The following DNAAF5 variants were observed in gnomAD, a reference collection of about 807,000 sequenced individuals.
DNAAF5 encodes HEAT repeat containing 2.
In DNAAF5, 64 loss-of-function variants were observed where a neutral mutation model predicts 75.8. That is an observed-to-expected ratio of 0.84 (90% CI 0.69 to 1.04). The LOEUF (loss-of-function observed/expected upper bound fraction) is 1.04. DNAAF5 is among the 50% of genes least tolerant of loss of function. The pLI, the probability that DNAAF5 is intolerant of heterozygous loss-of-function variation, is 0.00. For synonymous variants in DNAAF5, 657 were observed against 557.2 expected (o/e 1.18, Z -2.52); for missense variants, 1,269 against 1,178.5 (o/e 1.08, Z -1.12).
At chr7:731,088 C>T (rs192153074) in intron 2 of DNAAF5, among the ~76,000 whole-genome samples, 73 of 152,232 alleles carry the variant, frequency 4.8e-4, no homozygotes, top group Non-Finnish European at 2.5e-4. Flanking sequence ...TGCAGGCGGC[C>T]GGCTGGTTTT....
At position 754,465 on chromosome 7, in the gene DNAAF5, A is replaced by G. The variant is rs1365886557; in HGVS notation, c.1025-124A>G. ...CATTTGTCAGCTTTGCGTCCACCCC[A>G]AGACTTGTTTTGAAATGGTGAGGTT... On this transcript the variant is annotated intron_variant, in intron 4 of 12. Coordinates refer to ENST00000297440, the MANE Select transcript of DNAAF5 (RefSeq NM_017802.4). This position sits in a 1 kb window ranked among gnomAD's most constrained non-coding sequence, Gnocchi z 4.8. 3 of 833,650 alleles carry G rather than the reference A, an allele frequency of 3.6e-6. No individual in the cohort carries two copies. The highest frequency in any genetic ancestry group is 4.0e-5 in the Admixed American group (2 of 50,552). 51.6% of individuals were successfully genotyped at this position (833,650 alleles called of 1,614,324 possible). A position where few individuals can be genotyped will look rare whatever the true frequency, so the allele number is the denominator to read the frequency against.
intron 12 of DNAAF5, among the ~76,000 whole-genome samples, chr7:782,067 C>A (rs913257752): frequency 1.3e-5 from 2 of 152,194 alleles, no homozygotes; most frequent in Non-Finnish European, 2.9e-5. Context: ...CAGCTGCGTC[C>A]GGTTTCCCGG....
chr7:735,478 C>T (rs942685207), intron 2 of DNAAF5, among the ~76,000 whole-genome samples: 2 of 151,356 alleles, frequency 1.3e-5, no homozygotes, highest in Non-Finnish European at 2.9e-5. Flanking sequence ...GGTGTAGCTG[C>T]TCATGGTGTC....
At chr7:769,983 A>T (rs920610517) in intron 8 of DNAAF5, among the ~76,000 whole-genome samples, 2 of 151,502 alleles carry the variant, frequency 1.3e-5, no homozygotes, top group African/African-American at 4.9e-5. Context: ...ACATAGTCTC[A>T]CTTTGTCACC....
intron 5 of DNAAF5, among the ~76,000 whole-genome samples, chr7:755,551 G>C (rs576160306): frequency 6.6e-6 from 1 of 152,184 alleles, no homozygotes; most frequent in African/African-American, 2.4e-5. Flanking sequence ...CTGGCCAGCA[G>C]CTTTTACTTC....
rs1238172639 is a variant in DNAAF5, at chr7:739,105, CATCACT to C, written c.781-1713_781-1708del. ...CTTGTCTCAGCCACGCCCTCTGCCC[CATCACT>C]GTATACCTGTTTGGGCTGGGGGCTG... On this transcript the variant is annotated intron_variant, in intron 2 of 12. Coordinates refer to ENST00000297440, the MANE Select transcript of DNAAF5 (RefSeq NM_017802.4). 7.4e-5 allele frequency among the ~76,000 whole-genome samples: 4 copies of C among 54,310 alleles called. No homozygotes were observed. In the South Asian group the frequency reaches 5.4e-3, roughly 73 times the overall value. 35.6% of individuals were successfully genotyped at this position (54,310 alleles called of 152,430 possible). A position where few individuals can be genotyped will look rare whatever the true frequency, so the allele number is the denominator to read the frequency against.
chr7:729,679 G>T lies in DNAAF5; in HGVS notation c.612G>T (p.Gln204His). 6.2e-7 allele frequency: 1 copy of T among 1,614,000 alleles called. No homozygotes were observed. The highest frequency in any genetic ancestry group is 8.5e-7 in the Non-Finnish European group (1 of 1,180,000). Reference protein sequence around the residue: ...AQATPDHFHMQSESLIGPLMQ... With the variant: ...AQATPDHFHMHSESLIGPLMQ... ...GTCCCTCAGACCACTTCCACATGCAGTCGGAGTCTCTGATCGGGCCCCTGA... is the reference window on the plus strand; with the variant it reads ...GTCCCTCAGACCACTTCCACATGCATTCGGAGTCTCTGATCGGGCCCCTGA... The change falls in exon 2 of 13, where the codon CAG becomes CAT. Residue 204 changes from glutamine to histidine, a missense_variant. Gln to His is a conservative substitution (Grantham distance 24). Coordinates refer to ENST00000297440, the MANE Select transcript of DNAAF5 (RefSeq NM_017802.4).
In DNAAF5 at chr7:754,986, C is replaced by G. The variant is rs1782439363; in HGVS notation, c.1257+165C>G. ...CCCAGCCCCTGGGAACAACTGATCT[C>G]CTTTCTGTGCCCGTAGGTAACAGCG... On this transcript the variant is annotated intron_variant, in intron 5 of 12. Transcript: ENST00000297440. This position sits in a 1 kb window ranked among gnomAD's most constrained non-coding sequence, Gnocchi z 4.8. Among the ~76,000 whole-genome samples the G allele has an allele frequency of 2.0e-5, 3 of 152,230 alleles. No individual in the cohort carries two copies. In the South Asian group the frequency reaches 6.2e-4, roughly 31 times the overall value.
intron 2 of DNAAF5, among the ~76,000 whole-genome samples, chr7:739,945 G>A (rs955314348): frequency 5.3e-5 from 8 of 152,170 alleles, no homozygotes; most frequent in African/African-American, 1.9e-4. Flanking sequence ...GTGCATGGCT[G>A]GGCAGAGACG....
At chr7:767,975 C>G (rs913622494) in intron 8 of DNAAF5, among the ~76,000 whole-genome samples, 1 of 148,034 alleles carries the variant, frequency 6.8e-6, no homozygotes, top group Non-Finnish European at 1.5e-5. Flanking sequence ...CAGGAGCGCT[C>G]GTGCTTGGAA....
rs140078958 is a variant in DNAAF5, at chr7:761,740, C to T, written c.1471-13C>T. 864 of 1,591,612 alleles carry T rather than the reference C, an allele frequency of 5.4e-4. 7 individuals carry two copies. In the African/African-American group the frequency reaches 0.01, roughly 19 times the overall value. On this transcript the variant is annotated splice_polypyrimidine_tract_variant and intron_variant, in intron 6 of 12. Coordinates refer to ENST00000297440, the MANE Select transcript of DNAAF5 (RefSeq NM_017802.4). Reference sequence around the variant, plus strand: ...TTGTACCAAGCTCTGACGGTGCTGCCGGTCTCTTCCAGGACCTCTACCTGG... The same window carrying T: ...TTGTACCAAGCTCTGACGGTGCTGCTGGTCTCTTCCAGGACCTCTACCTGG...
At chr7:730,624 C>T (rs1781533593) in intron 2 of DNAAF5, among the ~76,000 whole-genome samples, 2 of 152,208 alleles carry the variant, frequency 1.3e-5, no homozygotes, top group Non-Finnish European at 2.9e-5. Context: ...GCTCCCTCGT[C>T]TGTGCTGCTG....
In DNAAF5 at chr7:756,859, G is replaced by A; in HGVS notation, c.1335G>A (p.Lys445=). ...TGAAGCTGATCTTATCGACGCTGAA[G>A]AAGACGCCCTCTGCCTCCGGCCTCC... ...VFLKLILSTL[K]KTPSASGLLV... is the part of the protein sequence containing the mutation. Residue 445 remains lysine, a synonymous_variant, in exon 6 of 13, where the codon AAG becomes AAA. Coordinates refer to ENST00000297440, the MANE Select transcript of DNAAF5 (RefSeq NM_017802.4). 6.2e-7 allele frequency: 1 copy of A among 1,613,960 alleles called. No individual in the cohort carries two copies.
chr7:735,780 C>T (rs1209229692), intron 2 of DNAAF5, among the ~76,000 whole-genome samples: 4 of 151,858 alleles, frequency 2.6e-5, no homozygotes, highest in Admixed American at 1.3e-4. Context: ...ATTTCAATTT[C>T]ATTTATTTCT....
In DNAAF5 at chr7:786,249, T is replaced by A. The variant is rs544295385; in HGVS notation, c.*596T>A. The A allele has an allele frequency of 6.6e-6, 1 of 152,472 alleles. No homozygotes were observed. The highest frequency in any genetic ancestry group is 1.9e-4 in the East Asian group (1 of 5,192). 9.4% of individuals were successfully genotyped at this position (152,472 alleles called of 1,614,324 possible). Reference sequence around the variant, plus strand: ...TTAATGCTAACAGTGTTGAAAACAATATTTCATGAGATCTAATTGTGGTTG... The same window carrying A: ...TTAATGCTAACAGTGTTGAAAACAAAATTTCATGAGATCTAATTGTGGTTG... On this transcript the variant is annotated 3_prime_UTR_variant, in exon 13 of 13. Transcript: ENST00000297440.
At chr7:768,439 C>CCGCA (rs1445797184) in intron 8 of DNAAF5, 5 of 118,922 alleles carry the variant, frequency 4.2e-5, no homozygotes, top group African/African-American at 1.6e-4. Context: ...TGCGAGTGGG[C>CCGCA]GCTCCGGCTG....
Position 782,630 on chromosome 7 carries a change from T to C in DNAAF5, c.2431+2486T>C, listed in dbSNP as rs575093991. On this transcript the variant is annotated intron_variant, in intron 12 of 12. Coordinates refer to ENST00000297440, the MANE Select transcript of DNAAF5 (RefSeq NM_017802.4). ...CGCAGCGTCAGAAACTCGATATTCC[T>C]GGCGTGGCCGCCTCCCGTCACGCAG... Among the ~76,000 whole-genome samples, 49 of 145,340 alleles carry C rather than the reference T, an allele frequency of 3.4e-4. 2 individuals carry two copies. The highest frequency in any genetic ancestry group is 1.1e-3 in the African/African-American group (40 of 37,726).
intron 2 of DNAAF5, among the ~76,000 whole-genome samples, chr7:732,878 C>T (rs916956855): frequency 7.2e-5 from 11 of 152,020 alleles, no homozygotes; most frequent in African/African-American, 1.9e-4. Context: ...AGAGAGTTTC[C>T]CCAATGTTTT....
chr7:757,931 C>G (rs1466193692), intron 6 of DNAAF5, among the ~76,000 whole-genome samples: 3 of 152,240 alleles, frequency 2.0e-5, no homozygotes, highest in Non-Finnish European at 4.4e-5. Context: ...TGTCCTGTGT[C>G]AGGCTCCCTC....
Sources: allele counts gnomAD v4.1 joint callset (sites outside exome capture counted in the v4.1 genomes callset), GRCh38; gene constraint gnomAD v4.1.1; non-coding constraint Gnocchi (gnomAD v3.1); transcripts MANE v1.5; gene names NCBI Gene and HGNC (gene_info 2026-07-23, HGNC 2026-07-21).